The following SOS2 variants were observed in gnomAD, a reference collection of about 807,000 sequenced individuals.
SOS2 encodes the protein son of sevenless homolog 2.
A neutral mutation model predicts 148.2 loss-of-function variants in SOS2; 65 were observed. That is an observed-to-expected ratio of 0.44 (90% CI 0.36 to 0.54). SOS2 has a LOEUF of 0.54. Ranked by LOEUF, SOS2 falls within the 20% of genes least tolerant of loss-of-function variation. The pLI is 0.00. For missense variants in SOS2, 1,341 were observed against 1,590.2 expected, an observed-to-expected ratio of 0.84 and a Z score of 2.67; for synonymous variants, 539 against 537.1, an observed-to-expected ratio of 1.00 and a Z score of -0.05.
intron 7 of SOS2, among the ~76,000 whole-genome samples, chr14:50,180,219 G>A (rs1241718908): frequency 6.6e-6 from 1 of 150,532 alleles, no homozygotes; most frequent in Non-Finnish European, 1.5e-5. Context: ...GGCCAGGCTG[G>A]TCTCAAACTC....
rs2229869 is a variant in SOS2 at position 50,150,160 on chromosome 14, G to A, written c.2232C>T (p.Asn744=). ...CAAAGGTAATATTATGGCTTACTCC[G>A]TTTGCCTGAGCTTGCTTCTTCCTCC... ...IIRRKKQAQA[N]GVSHNITFES... is the part of the protein sequence containing the mutation. The change falls in exon 14 of 23, where the codon AAC becomes AAT. Residue 744 remains asparagine (N), a synonymous_variant. Transcript: ENST00000216373. 0.65 allele frequency: 1,052,840 copies of A among 1,611,726 alleles called. 348,415 individuals are homozygous for A. Among genetic ancestry groups the A allele is most frequent in the Non-Finnish European group, 0.68 (806,119 of 1,178,052 alleles).
At chr14:50,188,404 T>C (rs1215343808) in intron 5 of SOS2, 93 bp downstream of exon 5, 1 of 852,290 alleles carries the variant, frequency 1.2e-6, no homozygotes. Context: ...CAAGACTCCG[T>C]CTCAAAAAAA....
intron 8 of SOS2, among the ~76,000 whole-genome samples, chr14:50,169,065 A>T (rs1885271737): frequency 6.6e-6 from 1 of 152,202 alleles, no homozygotes; most frequent in African/African-American, 2.4e-5. Flanking sequence ...TAATCCCAGC[A>T]GTTTGGGAGG....
At chr14:50,120,445 A>G in intron 21 of SOS2, 61 bp from the exon 22 acceptor site, 1 of 790,442 alleles carries the variant, frequency 1.3e-6, no homozygotes, top group Non-Finnish European at 2.2e-6. Context: ...CTTTATCACA[A>G]TTTGTGATCG....
At chr14:50,223,421 T>A (rs1887256118) in intron 1 of SOS2, among the ~76,000 whole-genome samples, 2 of 152,106 alleles carry the variant, frequency 1.3e-5, no homozygotes, top group South Asian at 4.2e-4. Context: ...ATCCCTGTAA[T>A]CCCAGTACTT....
Position 50,131,877 on chromosome 14 carries a change from G to C in SOS2, c.3076-1115C>G, listed in dbSNP as rs1243434951. Among the ~76,000 whole-genome samples the C allele has an allele frequency of 2.0e-5, 3 of 152,242 alleles. No individual in the cohort carries two copies. In the East Asian group the frequency reaches 5.8e-4, roughly 29 times the overall value. On this transcript the variant is annotated intron_variant, in intron 19 of 22. Transcript: ENST00000216373. ...TTTCTGAGGAAAAAATCTCATTCCTGCTCTAATTGAAGAGGACCTATGATT... is the reference window on the plus strand; with the variant it reads ...TTTCTGAGGAAAAAATCTCATTCCTCCTCTAATTGAAGAGGACCTATGATT...
At chr14:50,132,574 T>C (rs987859638) in intron 19 of SOS2, among the ~76,000 whole-genome samples, 14 of 151,922 alleles carry the variant, frequency 9.2e-5, no homozygotes, top group African/African-American at 3.1e-4. Context: ...GGCAGTAGAA[T>C]TGCTTGAACC....
At chr14:50,225,964 CAAACA>C (rs917102095) in intron 1 of SOS2, among the ~76,000 whole-genome samples, 1 of 152,022 alleles carries the variant, frequency 6.6e-6, no homozygotes, top group Admixed American at 6.6e-5. Context: ...AACAAACAAA[CAAACA>C]AATCATGTTC....
chr14:50,183,503 T>C (rs1385642268), intron 5 of SOS2, among the ~76,000 whole-genome samples: 1 of 152,128 alleles, frequency 6.6e-6, no homozygotes, highest in Non-Finnish European at 1.5e-5. Flanking sequence ...TAAAAATCTC[T>C]TGGATAACAG....
intron 8 of SOS2, among the ~76,000 whole-genome samples, chr14:50,172,997 GTTCT>G (rs1204993069): frequency 6.6e-6 from 1 of 151,960 alleles, no homozygotes; most frequent in African/African-American, 2.4e-5. Flanking sequence ...TCAGTAAAAT[GTTCT>G]TTCTCAATTT....
At position 50,118,564 on chromosome 14, in the gene SOS2, C is replaced by T. The variant is rs1163048019; in HGVS notation, c.3779G>A (p.Ser1260Asn). The change falls in exon 23 of 23, where the codon AGC becomes AAC. Residue 1260 changes from serine (S) to asparagine (N), a missense_variant. Physicochemically the swap from Ser to Asn is conservative, Grantham distance 46 (BLOSUM62 1). This residue lies in a region of SOS2 where 354 missense variants were observed against 347.7 expected (regional missense o/e 1.02). Coordinates refer to ENST00000216373, the MANE Select transcript of SOS2 (RefSeq NM_006939.4). Reference protein sequence around the residue: ...RDISTCPNSPSTPPSTPSPRV... With the variant: ...RDISTCPNSPNTPPSTPSPRV... ...TGGAGAGGGTGTGCTAGGAGGAGTG[C>T]TTGGCGAATTTGGACACGTACTAAT... 4.3e-6 allele frequency: 7 copies of T among 1,613,988 alleles called. No homozygotes were observed. Among genetic ancestry groups the T allele is most frequent in the Admixed American group, 1.7e-5 (1 of 60,002 alleles).
intron 8 of SOS2, 42 bp from the exon 9 acceptor site, chr14:50,161,651 A>G: frequency 6.3e-7 from 1 of 1,588,766 alleles, no homozygotes; most frequent in Non-Finnish European, 8.6e-7. Context: ...GCATTGTTTG[A>G]TTCTTCCCCC....
At chr14:50,122,391 C>CTTTTTTTTTTTTTTCTTTTTTTTT (rs1883542725) in intron 21 of SOS2, among the ~76,000 whole-genome samples, 1 of 88,308 alleles carries the variant, frequency 1.1e-5, no homozygotes, top group African/African-American at 4.8e-5. Flanking sequence ...GAACCCTGGG[C>CTTTTTTTTTTTTTTCTTTTTTTTT]TTTTTTTTTT....
At chr14:50,120,198 C>T in intron 22 of SOS2, 77 bp downstream of exon 22, 1 of 678,216 alleles carries the variant, frequency 1.5e-6, no homozygotes, top group Non-Finnish European at 2.6e-6. Context: ...GTATAATTCA[C>T]AGACTCTTTA....
rs778631157 is a variant in SOS2, at chr14:50,188,641, T to A, written c.570A>T (p.Glu190Asp). 19 of 1,611,224 alleles carry A rather than the reference T, an allele frequency of 1.2e-5. No homozygotes were observed. The East Asian group carries it at 4.0e-4, about 34-fold the overall frequency. ...AGTTTAATTCACCAGAAGAACTAGG[T>A]TCATCTTCACAGAGAGAAACCAAAC... is the stretch of plus-strand genomic sequence containing the variant. ...DIGLVSLCED[E>D]PSSSGELNYY... The change falls in exon 5 of 23, where the codon GAA (glutamate) becomes GAT (aspartate). Residue 190 changes from glutamate (E) to aspartate (D), a missense_variant. Coordinates refer to ENST00000216373, the MANE Select transcript of SOS2 (RefSeq NM_006939.4).
In SOS2 at chr14:50,118,050, G is replaced by T; in HGVS notation, c.*294C>A. Reference sequence around the variant, plus strand: ...CACTATCCCTTTTCAGTGCAATCATGTCACTTTAAACCATATTTTTGCAGA... The same window carrying T: ...CACTATCCCTTTTCAGTGCAATCATTTCACTTTAAACCATATTTTTGCAGA... On this transcript the variant is annotated 3_prime_UTR_variant, in exon 23 of 23. Coordinates refer to ENST00000216373, the MANE Select transcript of SOS2 (RefSeq NM_006939.4). The T allele has an allele frequency of 3.6e-6, 1 of 281,598 alleles. No individual in the cohort carries two copies. 17.4% of individuals were successfully genotyped at this position (281,598 alleles called of 1,614,324 possible).
intron 12 of SOS2, among the ~76,000 whole-genome samples, chr14:50,155,637 G>A (rs1884787528): frequency 6.6e-6 from 1 of 152,136 alleles, no homozygotes; most frequent in Admixed American, 6.6e-5. Context: ...ACTGTTTCAT[G>A]TGTCTTTTTC....
At chr14:50,204,444 AAAT>A (rs1886599001) in intron 1 of SOS2, 35 bp from the exon 2 acceptor site, 1 of 1,311,598 alleles carries the variant, frequency 7.6e-7, no homozygotes, top group African/African-American at 1.5e-5. Flanking sequence ...AGTAATGGCA[AAAT>A]AATATAAATT....
intron 8 of SOS2, among the ~76,000 whole-genome samples, chr14:50,165,649 G>C (rs1488882291): frequency 6.6e-6 from 1 of 152,096 alleles, no homozygotes; most frequent in Admixed American, 6.5e-5. Context: ...TTAATGCCTA[G>C]GGACACGTTT....
Sources: allele counts gnomAD v4.1 joint callset (sites outside exome capture counted in the v4.1 genomes callset), GRCh38; gene constraint gnomAD v4.1.1; regional missense constraint gnomAD v4.1.1; transcripts MANE v1.5; gene names NCBI Gene and HGNC (gene_info 2026-07-23, HGNC 2026-07-21).